SNED1: variants seen among roughly 807,000 people sequenced by gnomAD.
The protein encoded by SNED1 is sushi, nidogen and EGF like domains 1, also known as sushi, nidogen and EGF-like domain-containing protein 1.
In SNED1, 81 loss-of-function variants were observed where a neutral mutation model predicts 166.7. That is an observed-to-expected ratio of 0.49 (90% CI 0.41 to 0.58). SNED1 has a LOEUF of 0.58. Ranked by LOEUF, SNED1 falls within the 20% of genes least tolerant of loss-of-function variation. The pLI, the probability that SNED1 is intolerant of heterozygous loss-of-function variation, is 0.00. For synonymous variants in SNED1, 762 were observed against 822.0 expected (o/e 0.93, Z 1.25); for missense variants, 1,604 against 2,000.2 (o/e 0.80, Z 3.78).
chr2:241,032,214 A>G (rs916423436), intron 2 of SNED1, among the ~76,000 whole-genome samples: 2 of 152,156 alleles, frequency 1.3e-5, no homozygotes, highest in East Asian at 1.9e-4. Context: ...GCCGGGTGTG[A>G]TGGCGGGTGC....
In SNED1 at chr2:241,090,073, T is replaced by G. The variant is rs1404844367; in HGVS notation, c.*2-1565T>G. 6 of 1,517,262 alleles carry G rather than the reference T, an allele frequency of 4.0e-6. No individual in the cohort carries two copies. The African/African-American group carries it at 8.4e-5, about 21-fold the overall frequency. 94.0% of individuals were successfully genotyped at this position (1,517,262 alleles called of 1,614,324 possible). On this transcript the variant is annotated intron_variant, in intron 31 of 31. Transcript: ENST00000310397. ...CAATAAGAAATTAACCTTAGCTTAC[T>G]GTAACTTTTTTACTTTATACATTTT...
At chr2:241,072,082 G>A (rs1013590077) in intron 26 of SNED1, 24 of 701,790 alleles carry the variant, frequency 3.4e-5, no homozygotes, top group African/African-American at 1.2e-4. Context: ...GGGGCAGCTC[G>A]TGAGGGCCTC....
chr2:241,044,081 A>G (rs1386861252), intron 8 of SNED1, among the ~76,000 whole-genome samples: 1 of 152,206 alleles, frequency 6.6e-6, no homozygotes, highest in African/African-American at 2.4e-5. Context: ...CTAATAAACC[A>G]ATTGTGGAGA....
chr2:241,064,999 G>C lies in SNED1; in HGVS notation c.2713+42G>C, dbSNP rs771583811. On this transcript the variant is annotated intron_variant, in intron 20 of 31. Coordinates refer to ENST00000310397, the MANE Select transcript of SNED1 (RefSeq NM_001080437.3). This position sits in a 1 kb window ranked among gnomAD's most constrained non-coding sequence, Gnocchi z 7.0. ...CCTCCAGTGAGGGAGCCACGAGGGGGTCCCCTCTCCCTAGAGGGCCCAACG... is the reference window on the plus strand; with the variant it reads ...CCTCCAGTGAGGGAGCCACGAGGGGCTCCCCTCTCCCTAGAGGGCCCAACG... 6.9e-7 allele frequency: 1 copy of C among 1,440,350 alleles called. No homozygotes were observed. The highest frequency in any genetic ancestry group is 9.4e-7 in the Non-Finnish European group (1 of 1,063,180). 89.2% of individuals were successfully genotyped at this position (1,440,350 alleles called of 1,614,324 possible).
intron 29 of SNED1, among the ~76,000 whole-genome samples, chr2:241,085,241 C>A (rs1210267611): frequency 6.6e-6 from 1 of 152,122 alleles, no homozygotes; most frequent in Admixed American, 6.5e-5. Context: ...TCCAGTTATG[C>A]GTGTATTAGA....
In SNED1 at chr2:241,049,949, G is replaced by A. The variant is rs762082952; in HGVS notation, c.1735+16G>A. 1.9e-6 allele frequency: 3 copies of A among 1,598,662 alleles called. No individual in the cohort carries two copies. The highest frequency in any genetic ancestry group is 1.3e-5 in the African/African-American group (1 of 74,602). Reference sequence around the variant, plus strand: ...TGCGAGAAAGGTATGGCGGGCAGGGGCGTCCGGGCCGGCGTCAGCACCCTG... The same window carrying A: ...TGCGAGAAAGGTATGGCGGGCAGGGACGTCCGGGCCGGCGTCAGCACCCTG... On this transcript the variant is annotated intron_variant, in intron 12 of 31. Coordinates refer to ENST00000310397, the MANE Select transcript of SNED1 (RefSeq NM_001080437.3).
chr2:241,001,419 A>C (rs998692610), intron 1 of SNED1, among the ~76,000 whole-genome samples: 1 of 152,134 alleles, frequency 6.6e-6, no homozygotes, highest in Non-Finnish European at 1.5e-5. Flanking sequence ...GAAGGGACCC[A>C]TTGTTTTGCT....
At chr2:241,071,188 C>T (rs111403809) in intron 24 of SNED1, among the ~76,000 whole-genome samples, 180 of 152,280 alleles carry the variant, frequency 1.2e-3, no homozygotes, top group African/African-American at 4.1e-3. Flanking sequence ...CCAGCTGAAG[C>T]GTCCCATCAG....
At chr2:241,083,144 C>G (rs1181827580) in intron 29 of SNED1, among the ~76,000 whole-genome samples, 2 of 152,180 alleles carry the variant, frequency 1.3e-5, no homozygotes, top group Non-Finnish European at 2.9e-5. Context: ...AGGACGAGAC[C>G]AGGAGAGCCT....
chr2:241,031,885 C>T (rs1169078340), intron 2 of SNED1, among the ~76,000 whole-genome samples: 1 of 152,246 alleles, frequency 6.6e-6, no homozygotes, highest in Non-Finnish European at 1.5e-5. Flanking sequence ...AGCCCAGCAC[C>T]AAGCGGCACG....
At chr2:241,036,560 A>G in intron 4 of SNED1, among the ~76,000 whole-genome samples, 1 of 152,064 alleles carries the variant, frequency 6.6e-6, no homozygotes, top group South Asian at 2.1e-4. Flanking sequence ...AGTCCGCCCC[A>G]CACGAAGCCA....
chr2:241,068,365 A>C lies in SNED1; in HGVS notation c.3194+418A>C, dbSNP rs1317921957. 6.6e-6 allele frequency among the ~76,000 whole-genome samples: 1 copy of C among 151,276 alleles called. No homozygotes were observed. Among genetic ancestry groups the C allele is most frequent in the Admixed American group, 6.6e-5 (1 of 15,262 alleles). ...GCGGCCAGCGAGGGTAGATGGTAGC[A>C]GCCCCGAGCTCTCCCAGGAGTCCCA... On this transcript the variant is annotated intron_variant, in intron 22 of 31. Coordinates refer to ENST00000310397, the MANE Select transcript of SNED1 (RefSeq NM_001080437.3). This position sits in a 1 kb window ranked among gnomAD's most constrained non-coding sequence, Gnocchi z 5.3.
At chr2:241,047,913 T>G (rs1329657281) in intron 8 of SNED1, among the ~76,000 whole-genome samples, 1 of 151,456 alleles carries the variant, frequency 6.6e-6, no homozygotes, top group Non-Finnish European at 1.5e-5. Context: ...CTCCGGTGCT[T>G]CTTGTTCTGT....
chr2:240,998,291 GT>G (rs2059972383), upstream of SNED1, among the ~76,000 whole-genome samples: 1 of 152,262 alleles, frequency 6.6e-6, no homozygotes. Flanking sequence ...CCTGGCCAGG[GT>G]CCCCTCCCGC....
intron 1 of SNED1, among the ~76,000 whole-genome samples, chr2:241,019,171 C>T: frequency 6.6e-6 from 1 of 151,198 alleles, no homozygotes; most frequent in East Asian, 2.0e-4. Context: ...GGTGTGTGGA[C>T]CAGGAGCACA....
At chr2:241,000,424 G>A (rs7563207) in intron 1 of SNED1, among the ~76,000 whole-genome samples, 11,960 of 152,232 alleles carry the variant, frequency 0.079, 1,519 homozygotes, top group African/African-American at 0.27. Flanking sequence ...ACAGAGGAAC[G>A]GGACTGACTC....
rs2061448644 is a variant in SNED1 at position 241,038,987 on chromosome 2, G to A, written c.1046-1088G>A. Among the ~76,000 whole-genome samples, 3 of 152,224 alleles carry A rather than the reference G, an allele frequency of 2.0e-5. No individual in the cohort carries two copies. In the South Asian group the frequency reaches 6.2e-4, roughly 32 times the overall value. On this transcript the variant is annotated intron_variant, in intron 6 of 31. Transcript: ENST00000310397. Reference sequence around the variant, plus strand: ...TAAGAGGGCTTGAGGCTTGGCGCCAGGAGGCTGGTTCAGGTCTTGGGTCTG... The same window carrying A: ...TAAGAGGGCTTGAGGCTTGGCGCCAAGAGGCTGGTTCAGGTCTTGGGTCTG...
At chr2:241,089,122 CG>C (rs1006426268) in intron 31 of SNED1, 2 of 550,756 alleles carry the variant, frequency 3.6e-6, no homozygotes, top group Admixed American at 7.6e-5. Context: ...TCTTCACAAT[CG>C]TTTGCAAGAG....
Position 241,049,146 on chromosome 2 carries a change from C to A in SNED1, c.1618+11C>A. 6.2e-7 allele frequency: 1 copy of A among 1,602,064 alleles called. No individual in the cohort carries two copies. The highest frequency in any genetic ancestry group is 1.1e-5 in the South Asian group (1 of 89,654). On this transcript the variant is annotated intron_variant, in intron 11 of 31. Coordinates refer to ENST00000310397, the MANE Select transcript of SNED1 (RefSeq NM_001080437.3). ...ACAATGCCAGCCACTGTGAGTAGCTCGGGGACGAGCCTGCTGGGCCGGGGG... is the reference window on the plus strand; with the variant it reads ...ACAATGCCAGCCACTGTGAGTAGCTAGGGGACGAGCCTGCTGGGCCGGGGG...
Sources: allele counts gnomAD v4.1 joint callset (sites outside exome capture counted in the v4.1 genomes callset), GRCh38; gene constraint gnomAD v4.1.1; non-coding constraint Gnocchi (gnomAD v3.1); transcripts MANE v1.5; gene names NCBI Gene and HGNC (gene_info 2026-07-23, HGNC 2026-07-21).